Variants in NIPBL observed in about 807,000 individuals in gnomAD.
NIPBL encodes NIPBL cohesin loading factor.
NIPBL carries 19 observed loss-of-function variants against 321.8 expected under a neutral mutation model. That is an observed-to-expected ratio of 0.06 (90% CI 0.04 to 0.09). The LOEUF is 0.09. Ranked by LOEUF, NIPBL falls within the 10% of genes least tolerant of loss-of-function variation. The pLI is 1.00. For synonymous variants in NIPBL, 1,106 were observed against 1,114.1 expected (o/e 0.99, Z 0.14); for missense variants, 2,210 against 3,327.0 (o/e 0.66, Z 8.26).
At chr5:36,891,815 A>G (rs753358131) in intron 1 of NIPBL, among the ~76,000 whole-genome samples, 50 of 152,204 alleles carry the variant, frequency 3.3e-4, no homozygotes, top group South Asian at 4.1e-4. Flanking sequence ...GAGGTCCTCA[A>G]TTAAGATGGG....
chr5:36,885,589 C>T, intron 1 of NIPBL: 1 of 533,716 alleles, frequency 1.9e-6, no homozygotes, highest in Non-Finnish European at 3.7e-6. Context: ...GGGGCCATTA[C>T]TTCAAGACCA....
chr5:36,946,109 A>G (rs182592197), intron 1 of NIPBL, among the ~76,000 whole-genome samples: 3 of 152,108 alleles, frequency 2.0e-5, no homozygotes, highest in African/African-American at 7.2e-5. Flanking sequence ...TTAATGTGAG[A>G]AGGCTGAGCA....
rs940544414 is a variant in NIPBL at position 37,065,567 on chromosome 5, TAC to T, written c.*677_*678del. 3.3e-5 allele frequency: 5 copies of T among 152,682 alleles called. No homozygotes were observed. The highest frequency in any genetic ancestry group is 4.8e-5 in the African/African-American group (2 of 41,466). 9.5% of individuals were successfully genotyped at this position (152,682 alleles called of 1,614,324 possible). On this transcript the variant is annotated 3_prime_UTR_variant, in exon 47 of 47. Transcript: ENST00000282516. Reference sequence around the variant, plus strand: ...CTGTTTAAATCCATTTATATTATTTTACAGTCTTTTATGTAAAATTTATTATA... The same window carrying T: ...CTGTTTAAATCCATTTATATTATTTTAGTCTTTTATGTAAAATTTATTATA...
chr5:37,060,806 A>G, intron 44 of NIPBL, 38 bp from the exon 45 acceptor site: 2 of 1,574,018 alleles, frequency 1.3e-6, no homozygotes, highest in Non-Finnish European at 8.7e-7. Flanking sequence ...CGTTGTTTCC[A>G]TAGTTTTAAA....
At chr5:36,916,245 TA>T (rs992796152) in intron 1 of NIPBL, among the ~76,000 whole-genome samples, 1 of 152,230 alleles carries the variant, frequency 6.6e-6, no homozygotes, top group Non-Finnish European at 1.5e-5. Context: ...TTGTTTTTCT[TA>T]TTTATAAGAG....
At chr5:37,020,965 G>A (rs111254511) in intron 27 of NIPBL, 88 bp downstream of exon 27, 2 of 927,666 alleles carry the variant, frequency 2.2e-6, no homozygotes, top group Non-Finnish European at 1.8e-6. Flanking sequence ...ATTCATTGTT[G>A]AGTACAGATA....
chr5:36,971,484 G>A (rs1285670204), intron 7 of NIPBL, among the ~76,000 whole-genome samples: 1 of 150,892 alleles, frequency 6.6e-6, no homozygotes, highest in South Asian at 2.1e-4. Flanking sequence ...TTTTCCCTCT[G>A]ATACTTGTAC....
chr5:37,026,095 A>C (rs1274944465), intron 30 of NIPBL, 134 bp from the exon 31 acceptor site: 1 of 619,704 alleles, frequency 1.6e-6, no homozygotes, highest in Non-Finnish European at 2.9e-6. Flanking sequence ...TGAGGAAATT[A>C]ATACCAGAAA....
At chr5:36,986,616 TG>T (rs1412328858) in intron 10 of NIPBL, among the ~76,000 whole-genome samples, 1 of 152,166 alleles carries the variant, frequency 6.6e-6, no homozygotes, top group East Asian at 1.9e-4. Flanking sequence ...AAGTGAATGT[TG>T]TATTAAAATA....
chr5:36,968,139 T>TTATCAACC (rs1271200449), intron 6 of NIPBL, among the ~76,000 whole-genome samples: 41 of 150,948 alleles, frequency 2.7e-4, no homozygotes, highest in Non-Finnish European at 5.9e-5. Context: ...ATAAGCAGTG[T>TTATCAACC]TATCAACCTA....
intron 9 of NIPBL, among the ~76,000 whole-genome samples, chr5:36,978,836 G>T (rs1467989911): frequency 1.3e-5 from 2 of 151,782 alleles, no homozygotes; most frequent in Non-Finnish European, 2.9e-5. Flanking sequence ...ACCATTTATT[G>T]AATAGCGTGT....
At chr5:37,048,761 T>G in intron 39 of NIPBL, 86 bp downstream of exon 39, 2 of 1,157,580 alleles carry the variant, frequency 1.7e-6, no homozygotes, top group Non-Finnish European at 2.5e-6. Context: ...CTAAATTTCC[T>G]TATTTGTTAG....
intron 30 of NIPBL, among the ~76,000 whole-genome samples, chr5:37,025,472 CAT>C (rs1449737239): frequency 6.6e-6 from 1 of 152,086 alleles, no homozygotes; most frequent in Middle Eastern, 3.4e-3. Flanking sequence ...AAATTTATCT[CAT>C]AGAGATAGAG....
intron 33 of NIPBL, 76 bp from the exon 34 acceptor site, chr5:37,038,526 A>G: frequency 7.4e-7 from 1 of 1,351,334 alleles, no homozygotes; most frequent in Non-Finnish European, 1.0e-6. Context: ...AATATTAAGT[A>G]ATTTAAATAA....
intron 1 of NIPBL, among the ~76,000 whole-genome samples, chr5:36,912,882 T>A (rs1748155599): frequency 6.6e-6 from 1 of 152,220 alleles, no homozygotes; most frequent in Non-Finnish European, 1.5e-5. Flanking sequence ...TACTTTCTAT[T>A]ATTGTTTTTA....
intron 1 of NIPBL, among the ~76,000 whole-genome samples, chr5:36,904,711 T>C (rs1443721278): frequency 6.6e-6 from 1 of 152,150 alleles, no homozygotes; most frequent in Non-Finnish European, 1.5e-5. Context: ...GCTTAATCAC[T>C]TGGCTCTTGG....
Position 36,993,761 on chromosome 5 carries a change from CA to C in NIPBL, c.3122-1850del, listed in dbSNP as rs545690956. Among the ~76,000 whole-genome samples the C allele has an allele frequency of 7.2e-3, 1,046 of 145,132 alleles. 14 individuals are homozygous for C. The highest frequency in any genetic ancestry group is 0.024 in the African/African-American group (952 of 39,752). On this transcript the variant is annotated intron_variant, in intron 10 of 46. Coordinates refer to ENST00000282516, the MANE Select transcript of NIPBL (RefSeq NM_133433.4). Reference sequence around the variant, plus strand: ...AGATTATAATGTTTCCAATATACTGCAAAAAAAAAAATTTGTATTCTTAGAA... The same window carrying C: ...AGATTATAATGTTTCCAATATACTGCAAAAAAAAAATTTGTATTCTTAGAA...
intron 2 of NIPBL, 85 bp downstream of exon 2, chr5:36,953,845 G>T (rs187204196): frequency 1.2e-4 from 147 of 1,210,442 alleles, no homozygotes; most frequent in Non-Finnish European, 1.6e-4. Flanking sequence ...ATTATTATAG[G>T]TTCTTTAAAA....
intron 1 of NIPBL, among the ~76,000 whole-genome samples, chr5:36,930,296 C>T (rs1749683295): frequency 6.6e-6 from 1 of 151,972 alleles, no homozygotes; most frequent in South Asian, 2.1e-4. Context: ...AATTTATTCC[C>T]AAATATTCTT....
Sources: allele counts gnomAD v4.1 joint callset (sites outside exome capture counted in the v4.1 genomes callset), GRCh38; gene constraint gnomAD v4.1.1; transcripts MANE v1.5; gene names NCBI Gene and HGNC (gene_info 2026-07-23, HGNC 2026-07-21).